GPC5: variants seen among roughly 807,000 people sequenced by gnomAD.
The protein encoded by GPC5 is glypican 5.
Under a neutral mutation model 53.9 loss-of-function variants are expected in GPC5, and 47 were observed. The observed-to-expected ratio is 0.87, with a 90% CI of 0.69 to 1.11. The LOEUF (loss-of-function observed/expected upper bound fraction) is 1.11. GPC5 is among the 50% of genes most tolerant of loss of function. The pLI is 0.00. For missense variants in GPC5, 748 were observed against 713.1 expected (o/e 1.05, Z -0.56); for synonymous variants, 286 against 263.3 (o/e 1.09, Z -0.84).
intron 1 of GPC5, among the ~76,000 whole-genome samples, chr13:91,402,774 A>C (rs753191387): frequency 6.6e-6 from 1 of 152,244 alleles, no homozygotes; most frequent in Non-Finnish European, 1.5e-5. Flanking sequence ...AGATCTTTAT[A>C]TATCAAAGAT....
intron 7 of GPC5, among the ~76,000 whole-genome samples, chr13:92,428,226 C>T (rs1005232957): frequency 1.3e-5 from 2 of 152,084 alleles, no homozygotes; most frequent in African/African-American, 2.4e-5. Context: ...CTGATGTCAT[C>T]GTAAGACTCT....
chr13:91,424,117 A>G (rs896524444), intron 1 of GPC5, among the ~76,000 whole-genome samples: 1 of 152,146 alleles, frequency 6.6e-6, no homozygotes, highest in African/African-American at 2.4e-5. Flanking sequence ...CTGATGTTGA[A>G]TTTCTGGAGG....
intron 7 of GPC5, among the ~76,000 whole-genome samples, chr13:92,598,467 T>A (rs564306934): frequency 4.6e-5 from 7 of 152,290 alleles, no homozygotes; most frequent in African/African-American, 1.7e-4. Flanking sequence ...CAACTTGTTT[T>A]TCATGGGAAC....
chr13:91,805,977 C>G (rs1056874554), intron 5 of GPC5, among the ~76,000 whole-genome samples: 11 of 139,922 alleles, frequency 7.9e-5, no homozygotes, highest in Admixed American at 2.1e-4. Context: ...ACTGAAATTT[C>G]AATAGCATGT....
chr13:91,444,265 TTCTG>T, intron 1 of GPC5, among the ~76,000 whole-genome samples: 1 of 152,252 alleles, frequency 6.6e-6, no homozygotes, highest in South Asian at 2.1e-4. Flanking sequence ...AGTTTTAAAA[TTCTG>T]ACATATGTTG....
At chr13:91,993,639 C>G (rs1279256966) in intron 6 of GPC5, among the ~76,000 whole-genome samples, 1 of 152,166 alleles carries the variant, frequency 6.6e-6, no homozygotes, top group African/African-American at 2.4e-5. Context: ...CACATTAAGG[C>G]TGTTTCAGGC....
At chr13:91,506,554 C>T (rs574780913) in intron 2 of GPC5, among the ~76,000 whole-genome samples, 1 of 152,182 alleles carries the variant, frequency 6.6e-6, no homozygotes, top group South Asian at 2.1e-4. Flanking sequence ...TGCCAACAAA[C>T]TCTTTGAGTT....
intron 5 of GPC5, among the ~76,000 whole-genome samples, chr13:91,823,907 C>A (rs2038534913): frequency 6.6e-6 from 1 of 151,962 alleles, no homozygotes; most frequent in Admixed American, 6.6e-5. Context: ...AATTCTGTTT[C>A]TAAGATCATT....
At chr13:92,227,580 C>G (rs2042497253) in intron 7 of GPC5, among the ~76,000 whole-genome samples, 1 of 151,856 alleles carries the variant, frequency 6.6e-6, no homozygotes, top group Non-Finnish European at 1.5e-5. Context: ...AGACAGTTAT[C>G]AAAAGAGACA....
intron 2 of GPC5, among the ~76,000 whole-genome samples, chr13:91,494,948 A>G (rs754739173): frequency 4.6e-5 from 7 of 152,222 alleles, no homozygotes; most frequent in Non-Finnish European, 7.3e-5. Flanking sequence ...CAGAACTGCT[A>G]TCTTCATCCC....
chr13:91,907,483 C>T (rs1442781633), intron 5 of GPC5, among the ~76,000 whole-genome samples: 2 of 83,010 alleles, frequency 2.4e-5, no homozygotes, highest in Non-Finnish European at 4.5e-5. Flanking sequence ...TATTAGGCTA[C>T]TCTCTCTCTC....
intron 7 of GPC5, among the ~76,000 whole-genome samples, chr13:92,804,258 T>C (rs1322504661): frequency 1.3e-5 from 2 of 151,926 alleles, no homozygotes; most frequent in Middle Eastern, 3.2e-3. Flanking sequence ...ACCGTGGTAA[T>C]AAACAGGCTT....
At chr13:92,339,877 C>G (rs1009914604) in intron 7 of GPC5, 1 of 152,022 alleles carries the variant, frequency 6.6e-6, no homozygotes, top group Non-Finnish European at 1.5e-5. Context: ...GATTATCTTG[C>G]TATGTCTTTA....
intron 2 of GPC5, among the ~76,000 whole-genome samples, chr13:91,516,142 G>A (rs909650645): frequency 2.8e-4 from 43 of 151,942 alleles, no homozygotes; most frequent in African/African-American, 9.4e-4. Context: ...TCCACCCCTG[G>A]CGGAACCAAT....
intron 3 of GPC5, 28 bp downstream of exon 3, chr13:91,693,909 T>G (rs757347940): frequency 3.3e-6 from 5 of 1,509,406 alleles, no homozygotes; most frequent in East Asian, 2.3e-5. Flanking sequence ...ATTTTCAGTC[T>G]GACTTCTTGT....
At chr13:92,185,634 T>G (rs956335890) in intron 7 of GPC5, among the ~76,000 whole-genome samples, 1 of 152,110 alleles carries the variant, frequency 6.6e-6, no homozygotes, top group African/African-American at 2.4e-5. Context: ...ATGATTTGGT[T>G]TTAATAATAT....
intron 7 of GPC5, among the ~76,000 whole-genome samples, chr13:92,516,546 G>A (rs1231454047): frequency 1.3e-5 from 2 of 152,148 alleles, no homozygotes; most frequent in East Asian, 3.9e-4. Flanking sequence ...ATTAGGACAA[G>A]TTATTCAGTG....
intron 6 of GPC5, among the ~76,000 whole-genome samples, chr13:92,071,234 G>GA (rs1399577385): frequency 2.0e-5 from 3 of 151,660 alleles, no homozygotes; most frequent in Non-Finnish European, 2.9e-5. Flanking sequence ...AGACTCTGTT[G>GA]AAAAAAAATT....
chr13:92,528,004 G>A (rs895261922), intron 7 of GPC5, among the ~76,000 whole-genome samples: 5 of 151,946 alleles, frequency 3.3e-5, no homozygotes, highest in Non-Finnish European at 1.5e-5. Context: ...TAATAATTTT[G>A]AGCATAAAAA....
Sources: gnomAD v4.1 joint callset for allele counts (sites outside exome capture counted in the v4.1 genomes callset) on GRCh38, gnomAD v4.1.1 for gene constraint, MANE v1.5 for transcripts, NCBI Gene and HGNC (gene_info 2026-07-23, HGNC 2026-07-21) for gene names.